The following SOBP variants were observed in gnomAD, a reference collection of about 807,000 sequenced individuals.
SOBP encodes the protein sine oculis binding protein homolog.
In SOBP, 4 loss-of-function variants were observed where a neutral mutation model predicts 53.6. That is an observed-to-expected ratio of 0.07 (90% CI 0.04 to 0.17). SOBP has a LOEUF of 0.17. SOBP is among the 10% of genes least tolerant of loss of function. The pLI, the probability that SOBP is intolerant of heterozygous loss-of-function variation, is 1.00. For missense variants in SOBP, 1,088 were observed against 1,204.7 expected (o/e 0.90, Z 1.43); for synonymous variants, 584 against 522.6 (o/e 1.12, Z -1.60).
chr6:107,656,301 A>AAAAC (rs1554193509), intron 6 of SOBP, among the ~76,000 whole-genome samples: 2,038 of 51,312 alleles, frequency 0.04, 53 homozygotes, highest in African/African-American at 0.09. Flanking sequence ...GAAAGAAAGA[A>AAAAC]AGAAAGAAAG....
At chr6:107,600,306 A>G (rs1162568139) in intron 5 of SOBP, among the ~76,000 whole-genome samples, 1 of 152,212 alleles carries the variant, frequency 6.6e-6, no homozygotes, top group African/African-American at 2.4e-5. Flanking sequence ...CGCCTGGTCA[A>G]GGCTGCAGTG....
rs532491792 is a variant in SOBP, at chr6:107,509,066, C to T, written c.421+2639C>T. On this transcript the variant is annotated intron_variant, in intron 3 of 6. Coordinates refer to ENST00000317357, the MANE Select transcript of SOBP (RefSeq NM_018013.4). The stretch of plus-strand genomic sequence containing the variant: ...CATCTGTAAAATGGGGATCCCAGCC[C>T]TACCTCATGTGGTTGTTGTGGAGAT... Among the ~76,000 whole-genome samples, 4 of 152,296 alleles carry T rather than the reference C, an allele frequency of 2.6e-5. No individual in the cohort carries two copies. In the South Asian group the frequency reaches 8.3e-4, roughly 32 times the overall value.
intron 4 of SOBP, among the ~76,000 whole-genome samples, chr6:107,571,742 CATATT>C (rs1357790885): frequency 6.6e-6 from 1 of 152,174 alleles, no homozygotes; most frequent in Non-Finnish European, 1.5e-5. Flanking sequence ...CGAAACAAGA[CATATT>C]ATAGCTACTG....
intron 5 of SOBP, among the ~76,000 whole-genome samples, chr6:107,631,209 T>TA (rs1436936591): frequency 6.6e-6 from 1 of 152,202 alleles, no homozygotes; most frequent in Admixed American, 6.5e-5. Context: ...CCCTTATGGC[T>TA]AAAAAATAAG....
intron 5 of SOBP, among the ~76,000 whole-genome samples, chr6:107,600,562 T>G (rs1232766964): frequency 6.6e-6 from 1 of 151,776 alleles, no homozygotes; most frequent in Non-Finnish European, 1.5e-5. Context: ...CCAAAATTCA[T>G]GGGTTTGCAT....
At chr6:107,619,658 A>C (rs1786930083) in intron 5 of SOBP, among the ~76,000 whole-genome samples, 1 of 152,174 alleles carries the variant, frequency 6.6e-6, no homozygotes, top group African/African-American at 2.4e-5. Context: ...GAGAGTATTC[A>C]TATTTCCTTT....
chr6:107,499,491 G>A (rs2114938686), intron 1 of SOBP, among the ~76,000 whole-genome samples: 1 of 152,294 alleles, frequency 6.6e-6, no homozygotes, highest in Middle Eastern at 3.4e-3. Context: ...TTTGAGAGAT[G>A]ATTTTTGTGT....
At chr6:107,644,162 G>A (rs999567288) in intron 6 of SOBP, among the ~76,000 whole-genome samples, 1 of 152,184 alleles carries the variant, frequency 6.6e-6, no homozygotes, top group South Asian at 2.1e-4. Flanking sequence ...AAATTAGCTG[G>A]ACATGATGGC....
At chr6:107,583,720 A>G (rs887085364) in intron 4 of SOBP, among the ~76,000 whole-genome samples, 1 of 151,954 alleles carries the variant, frequency 6.6e-6, no homozygotes, top group Non-Finnish European at 1.5e-5. Context: ...TTTGGTAGAG[A>G]TGGGGTCTCC....
intron 4 of SOBP, among the ~76,000 whole-genome samples, chr6:107,561,941 T>G (rs1288171142): frequency 6.6e-6 from 1 of 152,196 alleles, no homozygotes; most frequent in Non-Finnish European, 1.5e-5. Flanking sequence ...GATTCTGTGG[T>G]GTTCAAAAGA....
Position 107,634,158 on chromosome 6 carries a change from C to A in SOBP, c.1314C>A (p.Pro438=), listed in dbSNP as rs771845851. 8 of 1,611,532 alleles carry A rather than the reference C, an allele frequency of 5.0e-6. No individual in the cohort carries two copies. The Admixed American group carries it at 5.0e-5, about 10-fold the overall frequency. ...NPMLPGIGPP[P]GGPRNLGPTS... ...TGCTTCCCGGCATCGGGCCCCCGCCCGGTGGCCCCAGAAACCTGGGCCCCA... is the reference window on the plus strand; with the variant it reads ...TGCTTCCCGGCATCGGGCCCCCGCCAGGTGGCCCCAGAAACCTGGGCCCCA... The change falls in exon 6 of 7, where the codon CCC becomes CCA. Residue 438 remains proline (P), a synonymous_variant. Coordinates refer to ENST00000317357, the MANE Select transcript of SOBP (RefSeq NM_018013.4). The surrounding 1 kb of genome is among the most constrained non-coding windows in gnomAD (Gnocchi z 4.5).
intron 3 of SOBP, among the ~76,000 whole-genome samples, chr6:107,523,807 C>T (rs1783583139): frequency 6.6e-6 from 1 of 152,254 alleles, no homozygotes; most frequent in African/African-American, 2.4e-5. Flanking sequence ...GCCCTGGGAG[C>T]AGGCCAGGCT....
chr6:107,599,077 A>G (rs1288954179), intron 5 of SOBP, among the ~76,000 whole-genome samples: 4 of 152,162 alleles, frequency 2.6e-5, no homozygotes, highest in African/African-American at 7.2e-5. Flanking sequence ...AAGGAATGCA[A>G]CAACCCCTTC....
intron 5 of SOBP, among the ~76,000 whole-genome samples, chr6:107,627,397 C>T (rs748383559): frequency 2.0e-5 from 3 of 152,170 alleles, no homozygotes; most frequent in Non-Finnish European, 4.4e-5. Context: ...GTTCATGGCA[C>T]ATGAGAAAGA....
rs1744799765 is a variant in SOBP at position 107,490,705 on chromosome 6, A to T, written c.89A>T (p.Glu30Val). The change falls in exon 1 of 7, where the codon GAG (glutamate) becomes GTG (valine). Residue 30 changes from glutamate to valine, a missense_variant. By Grantham distance (121) the Glu-to-Val change is moderately radical. Transcript: ENST00000317357. ...CCAGTGAAAAGGGAGATCAATGAGG[A>T]GATGAAGGTATTTTTTGATCTCGGG... The part of the protein sequence containing the change: ...AHPVKREINE[E>V]MKNFAENTMN... The T allele has an allele frequency of 6.2e-7, 1 of 1,601,920 alleles. No individual in the cohort carries two copies. Among genetic ancestry groups the T allele is most frequent in the African/African-American group, 1.3e-5 (1 of 74,620 alleles).
chr6:107,569,655 G>A (rs1785015379), intron 4 of SOBP, among the ~76,000 whole-genome samples: 1 of 152,202 alleles, frequency 6.6e-6, no homozygotes, highest in African/African-American at 2.4e-5. Context: ...TTGCAGCACG[G>A]CTGGGCCCGG....
chr6:107,586,784 G>T (rs937130122), intron 4 of SOBP, among the ~76,000 whole-genome samples: 1 of 152,050 alleles, frequency 6.6e-6, no homozygotes, highest in Non-Finnish European at 1.5e-5. Context: ...TGAACAATGC[G>T]CACTGAAAAA....
chr6:107,562,090 G>T (rs1224897555), intron 4 of SOBP, among the ~76,000 whole-genome samples: 1 of 150,172 alleles, frequency 6.7e-6, no homozygotes, highest in Non-Finnish European at 1.5e-5. Flanking sequence ...GAGTGCAGTG[G>T]TGCAATCTTG....
intron 5 of SOBP, among the ~76,000 whole-genome samples, chr6:107,590,189 C>A (rs138460703): frequency 1.3e-5 from 2 of 152,132 alleles, no homozygotes; most frequent in African/African-American, 4.8e-5. Context: ...TCCTCAGCCA[C>A]GACTTTCTCA....
Sources: allele counts gnomAD v4.1 joint callset (sites outside exome capture counted in the v4.1 genomes callset), GRCh38; gene constraint gnomAD v4.1.1; non-coding constraint Gnocchi (gnomAD v3.1); transcripts MANE v1.5; gene names NCBI Gene and HGNC (gene_info 2026-07-23, HGNC 2026-07-21).